The following NXPE2 variants were observed in gnomAD, a reference collection of about 807,000 sequenced individuals.
NXPE2 encodes the protein NXPE family member 2.
A neutral mutation model predicts 34.4 loss-of-function variants in NXPE2; 34 were observed. That is an observed-to-expected ratio of 0.99 (90% CI 0.75 to 1.31). The LOEUF (loss-of-function observed/expected upper bound fraction) is 1.31, where lower values mean the gene tolerates loss of function less well. Among genes scored for constraint, NXPE2 ranks in the 40% most tolerant of loss-of-function variants. The pLI is 0.00. For synonymous variants in NXPE2, 235 were observed against 231.3 expected, an observed-to-expected ratio of 1.02 and a Z score of -0.15; for missense variants, 649 against 672.5, an observed-to-expected ratio of 0.97 and a Z score of 0.39.
chr11:114,670,057 T>TG, the NXPE2 span, among the ~76,000 whole-genome samples: 1 of 151,922 alleles, frequency 6.6e-6, no homozygotes, highest in Admixed American at 6.6e-5. Context: ...TAGAGCCCTA[T>TG]AGAATTAGAA....
the NXPE2 span, among the ~76,000 whole-genome samples, chr11:114,534,135 G>T: frequency 2.0e-5 from 3 of 152,172 alleles, no homozygotes; most frequent in Non-Finnish European, 4.4e-5. Context: ...ACCAATATCC[G>T]CTGTTCTGCA....
At chr11:114,739,280 TTTCCTTCCTTCC>T in the NXPE2 span, among the ~76,000 whole-genome samples, 9,852 of 96,378 alleles carry the variant, frequency 0.1, 874 homozygotes, top group Non-Finnish European at 0.13. Flanking sequence ...TTGCCATTAT[TTTCCTTCCTTCC>T]TTCCTTCCTT....
the NXPE2 span, among the ~76,000 whole-genome samples, chr11:114,756,047 AG>A: frequency 6.6e-6 from 1 of 152,230 alleles, no homozygotes; most frequent in Admixed American, 6.5e-5. Context: ...CATCAGAGAC[AG>A]GTCCCTCTTG....
At chr11:114,519,655 G>T in the NXPE2 span, among the ~76,000 whole-genome samples, 18 of 152,134 alleles carry the variant, frequency 1.2e-4, no homozygotes, top group Non-Finnish European at 2.2e-4. Context: ...GGGGCAGGAG[G>T]GCATTCTAGT....
chr11:114,656,335 G>A, the NXPE2 span, among the ~76,000 whole-genome samples: 14 of 152,188 alleles, frequency 9.2e-5, no homozygotes, highest in African/African-American at 3.1e-4. Flanking sequence ...AATCAATATC[G>A]TGAAAATGAC....
At chr11:114,545,750 G>A in the NXPE2 span, among the ~76,000 whole-genome samples, 18 of 151,060 alleles carry the variant, frequency 1.2e-4, no homozygotes, top group African/African-American at 2.2e-4. Flanking sequence ...GTGCAGTGGC[G>A]TGAACTCAGC....
the NXPE2 span, among the ~76,000 whole-genome samples, chr11:114,743,874 T>A: frequency 6.6e-6 from 1 of 151,298 alleles, no homozygotes; most frequent in Non-Finnish European, 1.5e-5. Context: ...AGTATATATA[T>A]GTGTACATGT....
At chr11:114,777,600 A>AGAG in the NXPE2 span, among the ~76,000 whole-genome samples, 1 of 152,128 alleles carries the variant, frequency 6.6e-6, no homozygotes. Flanking sequence ...CTGGGTCCAT[A>AGAG]GAGTCATGCC....
chr11:114,500,856 C>T, the NXPE2 span, among the ~76,000 whole-genome samples: 1 of 152,150 alleles, frequency 6.6e-6, no homozygotes, highest in Non-Finnish European at 1.5e-5. Flanking sequence ...GTTGTTCCAA[C>T]ACCATTTGTA....
the NXPE2 span, among the ~76,000 whole-genome samples, chr11:114,476,753 C>A: frequency 3.3e-4 from 51 of 152,242 alleles, no homozygotes; most frequent in Non-Finnish European, 6.9e-4. Context: ...GATCCAATCA[C>A]CTCCCACCAG....
the NXPE2 span, among the ~76,000 whole-genome samples, chr11:114,764,979 G>A: frequency 3.9e-5 from 6 of 152,066 alleles, no homozygotes; most frequent in Non-Finnish European, 5.9e-5. Flanking sequence ...ACTGCTTCAC[G>A]TGAACTCTGG....
At chr11:114,482,178 A>G in the NXPE2 span, among the ~76,000 whole-genome samples, 1 of 152,278 alleles carries the variant, frequency 6.6e-6, no homozygotes, top group East Asian at 1.9e-4. Flanking sequence ...AAAAAAATAT[A>G]TTTCCTGCTC....
the NXPE2 span, among the ~76,000 whole-genome samples, chr11:114,800,926 TTATAATC>T: frequency 6.6e-6 from 1 of 152,208 alleles, no homozygotes; most frequent in Non-Finnish European, 1.5e-5. Flanking sequence ...CAACACAACT[TTATAATC>T]TATTAAGTTC....
the NXPE2 span, among the ~76,000 whole-genome samples, chr11:114,514,843 A>G: frequency 1.3e-5 from 2 of 152,004 alleles, no homozygotes; most frequent in African/African-American, 4.8e-5. Flanking sequence ...CTATGACTGT[A>G]TTTTTTGCTT....
the NXPE2 span, among the ~76,000 whole-genome samples, chr11:114,627,663 A>G: frequency 6.6e-6 from 1 of 151,904 alleles, no homozygotes. Context: ...AAATTCACAC[A>G]TAACAATATT....
the NXPE2 span, among the ~76,000 whole-genome samples, chr11:114,635,072 G>T: frequency 6.6e-6 from 1 of 151,742 alleles, no homozygotes; most frequent in Non-Finnish European, 1.5e-5. Flanking sequence ...CCATTTTCAC[G>T]ATATTGATTC....
chr11:114,710,790 G>A (rs758775316), downstream of NXPE2, among the ~76,000 whole-genome samples: 4 of 151,864 alleles, frequency 2.6e-5, no homozygotes, highest in Non-Finnish European at 5.9e-5. Flanking sequence ...GACAAGAAAA[G>A]AAAACTACAG....
At chr11:114,754,969 C>T in the NXPE2 span, among the ~76,000 whole-genome samples, 8 of 152,240 alleles carry the variant, frequency 5.3e-5, no homozygotes, top group Non-Finnish European at 7.4e-5. Context: ...GTGCATATGG[C>T]TTGATATTTG....
the NXPE2 span, among the ~76,000 whole-genome samples, chr11:114,608,560 T>C: frequency 2.6e-5 from 4 of 151,252 alleles, no homozygotes; most frequent in African/African-American, 9.7e-5. Flanking sequence ...TGTTGCATCG[T>C]GTGTATCCAC....
Sources: allele counts gnomAD v4.1 joint callset (sites outside exome capture counted in the v4.1 genomes callset), GRCh38; gene constraint gnomAD v4.1.1; transcripts MANE v1.5; gene names NCBI Gene and HGNC (gene_info 2026-07-23, HGNC 2026-07-21).